Variants in SPTLC1 observed in about 807,000 individuals in gnomAD.
The protein encoded by SPTLC1 is serine palmitoyltransferase long chain base subunit 1.
SPTLC1 carries 55 observed loss-of-function variants against 68.9 expected under a neutral mutation model. The observed-to-expected ratio is 0.80, with a 90% confidence interval of 0.64 to 1.00. The LOEUF (loss-of-function observed/expected upper bound fraction) is 1.00. SPTLC1 is among the 50% of genes least tolerant of loss of function. The pLI, the probability that SPTLC1 is intolerant of heterozygous loss-of-function variation, is 0.00. For synonymous variants in SPTLC1, 197 were observed against 201.6 expected (o/e 0.98, Z 0.19); for missense variants, 449 against 573.1 (o/e 0.78, Z 2.21).
chr9:92,055,514 G>C lies in SPTLC1; in HGVS notation c.691-20C>G, dbSNP rs764945917. 20 of 1,610,468 alleles carry C rather than the reference G, an allele frequency of 1.2e-5. No individual in the cohort carries two copies. The highest frequency in any genetic ancestry group is 1.4e-5 in the Non-Finnish European group (17 of 1,179,262). ...AGGATTCTTTAAAAGAGAAAAAGCA[G>C]ACATCTTACATTTCAGTAACTCTGA... On this transcript the variant is annotated intron_variant, in intron 7 of 14. Coordinates refer to ENST00000262554, the MANE Select transcript of SPTLC1 (RefSeq NM_006415.4).
In SPTLC1 at chr9:92,059,184, G is replaced by C. The variant is rs865920055; in HGVS notation, c.685C>G (p.Gln229Glu). 6.2e-7 allele frequency: 1 copy of C among 1,613,448 alleles called. No homozygotes were observed. The highest frequency in any genetic ancestry group is 8.5e-7 in the Non-Finnish European group (1 of 1,179,702). ...TTTCTTCAAAAGAATCATACCTTTT[G>C]ATCTTCGATCTCTTGTTCTTTTAGT... Reference protein sequence around the residue: ...RLLKEQEIEDQKNPRKARVTR... With the variant: ...RLLKEQEIEDEKNPRKARVTR... The change falls in exon 7 of 15, where the codon CAA (glutamine) becomes GAA (glutamate). Residue 229 changes from glutamine (Q) to glutamate (E), a missense_variant. Gln to Glu is a conservative substitution (Grantham distance 29, BLOSUM62 2). Coordinates refer to ENST00000262554, the MANE Select transcript of SPTLC1 (RefSeq NM_006415.4).
At chr9:92,107,366 G>A (rs1218505746) in intron 3 of SPTLC1, among the ~76,000 whole-genome samples, 2 of 152,164 alleles carry the variant, frequency 1.3e-5, no homozygotes, top group African/African-American at 4.8e-5. Context: ...TAATAATGCT[G>A]AGACAACTGA....
chr9:92,071,845 G>C (rs1338278299), intron 5 of SPTLC1, among the ~76,000 whole-genome samples: 5 of 152,172 alleles, frequency 3.3e-5, no homozygotes, highest in Non-Finnish European at 7.3e-5. Context: ...TTCTACCATT[G>C]TAACAGGCTC....
At chr9:92,100,837 GA>G (rs796520082) in intron 3 of SPTLC1, among the ~76,000 whole-genome samples, 11,742 of 120,340 alleles carry the variant, frequency 0.098, 503 homozygotes, top group African/African-American at 0.12. Flanking sequence ...ACTAGCAAAA[GA>G]AAAAAAAAAA....
chr9:92,089,235 A>AC (rs1415745315), intron 3 of SPTLC1, among the ~76,000 whole-genome samples: 1 of 152,112 alleles, frequency 6.6e-6, no homozygotes, highest in African/African-American at 2.4e-5. Flanking sequence ...ACATGGTGAG[A>AC]CCCCATCTCT....
Position 92,032,342 on chromosome 9 carries a change from T to C in SPTLC1, c.*123A>G. 6.4e-7 allele frequency: 1 copy of C among 1,564,198 alleles called. No individual in the cohort carries two copies. ...ACAATTGGTCCATACTGACACCATT[T>C]GGTAACAATCCTATCAAAGATCCAC... On this transcript the variant is annotated 3_prime_UTR_variant, in exon 15 of 15. Transcript: ENST00000262554.
intron 12 of SPTLC1, among the ~76,000 whole-genome samples, chr9:92,038,905 GTC>G (rs1268338718): frequency 2.0e-4 from 31 of 152,186 alleles, no homozygotes; most frequent in African/African-American, 7.5e-4. Flanking sequence ...TTCAGTTTTT[GTC>G]TCTCATAAAT....
chr9:92,115,363 G>A lies in SPTLC1; in HGVS notation c.8C>T (p.Thr3Ile). 1.9e-6 allele frequency: 3 copies of A among 1,613,134 alleles called. No homozygotes were observed. Among genetic ancestry groups the A allele is most frequent in the Non-Finnish European group, 2.5e-6 (3 of 1,179,984 alleles). The change falls in exon 1 of 15, where the codon ACC becomes ATC. Residue 3 changes from threonine to isoleucine, a missense_variant. Physicochemically the swap from Thr to Ile is moderately conservative, Grantham distance 89. Around this residue, in one of 3 missense-constraint regions of SPTLC1, gnomAD observed 46 missense variants for 57.8 expected, o/e 0.80. Transcript: ENST00000262554. MA[T>I]ATEQWVLVEM... is the part of the protein sequence containing the mutation. ...CACCAGAACCCACTGCTCCGTGGCG[G>A]TCGCCATAGTTAGCCGCTTCCTTCC... is the stretch of plus-strand genomic sequence containing the variant.
At chr9:92,087,524 C>A (rs1238357398) in intron 3 of SPTLC1, among the ~76,000 whole-genome samples, 1 of 152,212 alleles carries the variant, frequency 6.6e-6, no homozygotes, top group Non-Finnish European at 1.5e-5. Context: ...ACCCTATTTG[C>A]CTGGCTATCA....
chr9:92,045,251 T>C (rs1264624325), intron 12 of SPTLC1, among the ~76,000 whole-genome samples: 1 of 152,004 alleles, frequency 6.6e-6, no homozygotes, highest in South Asian at 2.1e-4. Context: ...CAAGAAAGCA[T>C]GTTTAACCTT....
intron 8 of SPTLC1, chr9:92,050,373 G>C (rs554760076): frequency 1.6e-4 from 53 of 326,090 alleles, no homozygotes; most frequent in Non-Finnish European, 3.0e-4. Flanking sequence ...CCCTTTTCAT[G>C]GCCTATTTAC....
At chr9:92,041,950 G>A (rs192432246) in intron 12 of SPTLC1, among the ~76,000 whole-genome samples, 3 of 152,236 alleles carry the variant, frequency 2.0e-5, no homozygotes, top group Admixed American at 2.0e-4. Flanking sequence ...ATTTAGCCAG[G>A]TGCAGAGGTA....
intron 13 of SPTLC1, among the ~76,000 whole-genome samples, chr9:92,036,096 T>G (rs914319190): frequency 4.6e-5 from 7 of 152,230 alleles, no homozygotes; most frequent in Admixed American, 3.9e-4. Context: ...CGGAAGATTT[T>G]AAAAATGGAA....
At chr9:92,091,507 A>G (rs1024588027) in intron 3 of SPTLC1, among the ~76,000 whole-genome samples, 1 of 152,270 alleles carries the variant, frequency 6.6e-6, no homozygotes, top group Non-Finnish European at 1.5e-5. Flanking sequence ...TAAAGGAAAG[A>G]GCAGTATTTT....
intron 3 of SPTLC1, chr9:92,105,422 C>A (rs1835922666): frequency 4.1e-6 from 6 of 1,466,264 alleles, no homozygotes; most frequent in Non-Finnish European, 4.6e-6. Flanking sequence ...GAAGAGACAG[C>A]AGGGCAGGCG....
intron 3 of SPTLC1, among the ~76,000 whole-genome samples, chr9:92,097,852 G>A (rs1350372580): frequency 2.0e-5 from 3 of 151,764 alleles, no homozygotes; most frequent in African/African-American, 7.3e-5. Context: ...GCTGTTTAAA[G>A]GAAAAAAACC....
chr9:92,074,852 G>C (rs1237801588), intron 5 of SPTLC1, among the ~76,000 whole-genome samples: 2 of 151,936 alleles, frequency 1.3e-5, no homozygotes, highest in East Asian at 3.9e-4. Flanking sequence ...TCATTATTCT[G>C]TTATTGACCT....
chr9:92,064,729 C>CAAT (rs1343165485), intron 6 of SPTLC1, among the ~76,000 whole-genome samples: 1 of 152,102 alleles, frequency 6.6e-6, no homozygotes, highest in Non-Finnish European at 1.5e-5. Context: ...AAGGTAACTT[C>CAAT]AATAACAGTG....
intron 9 of SPTLC1, among the ~76,000 whole-genome samples, chr9:92,048,325 G>A (rs779994737): frequency 2.0e-5 from 3 of 152,132 alleles, no homozygotes; most frequent in Non-Finnish European, 4.4e-5. Flanking sequence ...TCAGCACCAA[G>A]TTCCATTCTG....
Sources: gnomAD v4.1 joint callset for allele counts (sites outside exome capture counted in the v4.1 genomes callset) on GRCh38, gnomAD v4.1.1 for gene constraint, gnomAD v4.1.1 regional missense constraint, MANE v1.5 for transcripts, NCBI Gene and HGNC (gene_info 2026-07-23, HGNC 2026-07-21) for gene names.